DCTN1: variants seen among roughly 807,000 people sequenced by gnomAD.
DCTN1 encodes dynactin subunit 1.
A neutral mutation model predicts 161.2 loss-of-function variants in DCTN1; 61 were observed. The observed-to-expected ratio is 0.38, with a 90% CI of 0.31 to 0.47. The LOEUF (loss-of-function observed/expected upper bound fraction) is 0.47, where lower values mean the gene tolerates loss of function less well. DCTN1 is among the 20% of genes least tolerant of loss of function. DCTN1 has a pLI of 0.99. For missense variants in DCTN1, 1,404 were observed against 1,623.7 expected, an observed-to-expected ratio of 0.86 and a Z score of 2.33; for synonymous variants, 653 against 632.4, an observed-to-expected ratio of 1.03 and a Z score of -0.49.
chr2:74,379,858 G>C, intron 1 of DCTN1, 147 bp downstream of exon 1: 2 of 812,464 alleles, frequency 2.5e-6, no homozygotes, highest in Non-Finnish European at 2.1e-6. Context: ...ACACCACCAG[G>C]GCTTCGAGGG....
At position 74,367,384 on chromosome 2, in the gene DCTN1, C is replaced by A. The variant is rs746414153; in HGVS notation, c.2221G>T (p.Asp741Tyr). 6.2e-7 allele frequency: 1 copy of A among 1,614,120 alleles called. No individual in the cohort carries two copies. The highest frequency in any genetic ancestry group is 8.5e-7 in the Non-Finnish European group (1 of 1,180,028). Residue 741 changes from aspartate to tyrosine, a missense_variant, in exon 19 of 32, where the codon GAC (aspartate) becomes TAC (tyrosine). Physicochemically the swap from Asp to Tyr is radical, Grantham distance 160. Transcript: ENST00000628224. ...TGGTCAGCCAGCTGCATAGTACAGT[C>A]CTCAGGCTGTTCGGCAAGGTGGATG... is the stretch of plus-strand genomic sequence containing the variant. The part of the protein sequence containing the change: ...YSIHLAEQPE[D>Y]CTMQLADHIK...
intron 26 of DCTN1, 136 bp downstream of exon 26, chr2:74,364,939 A>G: frequency 1.8e-6 from 2 of 1,127,500 alleles, no homozygotes; most frequent in South Asian, 1.3e-5. Context: ...AAACTGGCAC[A>G]GAGTGAAACT....
Position 74,370,140 on chromosome 2 carries a change from G to A in DCTN1, c.1287+46C>T, listed in dbSNP as rs1359182491. On this transcript the variant is annotated intron_variant, in intron 12 of 31. Transcript: ENST00000628224. This position sits in a 1 kb window ranked among gnomAD's most constrained non-coding sequence, Gnocchi z 4.4. ...AGAAAGAGGAGGCATCAACTGATAG[G>A]AGAGTCAGGTGGGGGATTCTGGGTG... The A allele has an allele frequency of 1.2e-6, 2 of 1,613,778 alleles. No individual in the cohort carries two copies. Among genetic ancestry groups the A allele is most frequent in the Non-Finnish European group, 1.7e-6 (2 of 1,180,032 alleles).
chr2:74,367,255 A>ACACATAAGAAGT, intron 19 of DCTN1, 97 bp downstream of exon 19: 1 of 1,544,788 alleles, frequency 6.5e-7, no homozygotes, highest in South Asian at 1.1e-5. Flanking sequence ...ACTCTGCCCT[A>ACACATAAGAAGT]GTCTTATGTG....
chr2:74,385,583 G>A (rs1468348355), intron 1 of DCTN1: 3 of 152,182 alleles, frequency 2.0e-5, no homozygotes, highest in South Asian at 2.1e-4. Context: ...GCAGCTCGCC[G>A]GCCACTCCCC....
At chr2:74,367,636 G>C (rs1207414320) in intron 18 of DCTN1, 60 bp downstream of exon 18, 4 of 1,608,652 alleles carry the variant, frequency 2.5e-6, no homozygotes, top group Non-Finnish European at 3.4e-6. Flanking sequence ...ATTAGTAAGA[G>C]CCCCCATCAA....
At chr2:74,384,305 T>C (rs991155655), upstream of DCTN1, among the ~76,000 whole-genome samples, 8 of 152,198 alleles carry the variant, frequency 5.3e-5, no homozygotes, top group Non-Finnish European at 7.3e-5. Flanking sequence ...CCAAGTCTCA[T>C]AGCCAAAAAA....
intron 1 of DCTN1, among the ~76,000 whole-genome samples, chr2:74,387,298 C>T (rs943998617): frequency 3.3e-5 from 5 of 152,152 alleles, no homozygotes. Context: ...CTTCTCATCT[C>T]CTCTGTCATT....
chr2:74,384,754 T>C (rs1675656797), upstream of DCTN1, among the ~76,000 whole-genome samples: 1 of 152,220 alleles, frequency 6.6e-6, no homozygotes. Flanking sequence ...TCTCACCTTA[T>C]CAAACCTTGA....
chr2:74,369,894 G>T lies in DCTN1; in HGVS notation c.1392+71C>A. ...CCCTCACCGCACACCCTGCTCAAAG[G>T]CCAAGGGTCACATGTCAATCTTTTT... On this transcript the variant is annotated intron_variant, in intron 13 of 31. Coordinates refer to ENST00000628224, the MANE Select transcript of DCTN1 (RefSeq NM_004082.5). This position sits in a 1 kb window ranked among gnomAD's most constrained non-coding sequence, Gnocchi z 4.9. 6.7e-7 allele frequency: 1 copy of T among 1,503,714 alleles called. No individual in the cohort carries two copies. The highest frequency in any genetic ancestry group is 9.2e-7 in the Non-Finnish European group (1 of 1,083,200). The allele number at this position is 1,503,714 out of a possible 1,614,324, so 93.1% of individuals were successfully genotyped here.
At chr2:74,371,882 G>T in intron 7 of DCTN1, 154 bp from the exon 8 acceptor site, 1 of 659,156 alleles carries the variant, frequency 1.5e-6, no homozygotes, top group Non-Finnish European at 2.7e-6. Context: ...AAAGAAGAAT[G>T]AAGGGGACAA....
rs776017204 is a variant in DCTN1 at position 74,371,527 on chromosome 2, C to T, written c.645+10G>A. The T allele has an allele frequency of 3.5e-5, 54 of 1,562,316 alleles. No homozygotes were observed. Among genetic ancestry groups the T allele is most frequent in the South Asian group, 1.3e-4 (11 of 84,872 alleles). On this transcript the variant is annotated intron_variant, in intron 8 of 31. Coordinates refer to ENST00000628224, the MANE Select transcript of DCTN1 (RefSeq NM_004082.5). Reference sequence around the variant, plus strand: ...TCTTGATTCTCCTTTACCCCTACCCCAGGCCTTACCTTGGATGGGGAAGGA... The same window carrying T: ...TCTTGATTCTCCTTTACCCCTACCCTAGGCCTTACCTTGGATGGGGAAGGA...
intron 26 of DCTN1, chr2:74,364,686 A>T (rs1288479763): frequency 9.0e-6 from 3 of 331,798 alleles, no homozygotes; most frequent in Non-Finnish European, 1.7e-5. Flanking sequence ...CCAAGCAGAG[A>T]AGCAATCAAG....
intron 5 of DCTN1, among the ~76,000 whole-genome samples, chr2:74,375,819 A>G (rs1480299488): frequency 6.6e-6 from 1 of 152,166 alleles, no homozygotes; most frequent in Non-Finnish European, 1.5e-5. Flanking sequence ...AGGACCCATC[A>G]CCAACCAGGA....
rs1255632932 is a variant in DCTN1, at chr2:74,371,692, T to C, written c.490A>G (p.Ser164Gly). ...RPASTGVAGA[S>G]SSLGPSGSAS... ...GAGCCAGAGGGGCCCAGGGAGCTAC[T>C]GGCCCCAGCCACCCCAGTACTGGCT... The change falls in exon 8 of 32, where the codon AGT (serine) becomes GGT (glycine). Residue 164 changes from serine (S) to glycine (G), a missense_variant. Coordinates refer to ENST00000628224, the MANE Select transcript of DCTN1 (RefSeq NM_004082.5). 17 of 1,607,504 alleles carry C rather than the reference T, an allele frequency of 1.1e-5. No individual in the cohort carries two copies. Among genetic ancestry groups the C allele is most frequent in the African/African-American group, 1.3e-5 (1 of 74,798 alleles).
chr2:74,366,431 C>A, intron 22 of DCTN1, 28 bp downstream of exon 22: 1 of 1,614,234 alleles, frequency 6.2e-7, no homozygotes, highest in South Asian at 1.1e-5. Context: ...ACTCTCCCCA[C>A]ACCTTCTACC....
chr2:74,361,722 C>T, intron 31 of DCTN1, 86 bp from the exon 32 acceptor site: 3 of 1,567,938 alleles, frequency 1.9e-6, no homozygotes, highest in Admixed American at 1.7e-5. Flanking sequence ...GCACTGAGAC[C>T]AAGGCAGCTC....
upstream of DCTN1, among the ~76,000 whole-genome samples, chr2:74,383,540 C>T (rs559239314): frequency 1.3e-5 from 2 of 152,188 alleles, no homozygotes; most frequent in Non-Finnish European, 2.9e-5. Flanking sequence ...GGAGTGCAGG[C>T]AGGAGCAACC....
chr2:74,367,968 T>C lies in DCTN1; in HGVS notation c.2015+3A>G, dbSNP rs200057343. ...TGGGGTGAGGGAGTCAGGAGTCACT[T>C]ACTGCTCATAGCGGTGTAGCGTGGC... is the stretch of plus-strand genomic sequence containing the variant. On this transcript the variant is annotated splice_donor_region_variant and intron_variant, in intron 17 of 31. Transcript: ENST00000628224. The C allele has an allele frequency of 3.3e-5, 54 of 1,614,216 alleles. 1 individual carries two copies. The African/African-American group carries it at 6.1e-4, about 18-fold the overall frequency.
Sources: gnomAD v4.1 joint callset for allele counts (sites outside exome capture counted in the v4.1 genomes callset) on GRCh38, gnomAD v4.1.1 for gene constraint, Gnocchi (gnomAD v3.1) non-coding constraint, MANE v1.5 for transcripts, NCBI Gene and HGNC (gene_info 2026-07-23, HGNC 2026-07-21) for gene names.